Variants in PDE10A observed in about 807,000 individuals in gnomAD.
PDE10A encodes the protein cAMP and cAMP-inhibited cGMP 3',5'-cyclic phosphodiesterase 10A.
Under a neutral mutation model 97.7 loss-of-function variants are expected in PDE10A, and 39 were observed. That is an observed-to-expected ratio of 0.40 (90% CI 0.31 to 0.52). The LOEUF (loss-of-function observed/expected upper bound fraction) is 0.52. Ranked by LOEUF, PDE10A falls within the 20% of genes least tolerant of loss-of-function variation. PDE10A has a pLI of 0.56. For synonymous variants in PDE10A, 371 were observed against 376.8 expected, an observed-to-expected ratio of 0.98 and a Z score of 0.18; for missense variants, 731 against 1,047.8, an observed-to-expected ratio of 0.70 and a Z score of 4.17.
Position 165,951,532 on chromosome 6 carries a change from G to T in PDE10A, c.-615+35997C>A, listed in dbSNP as rs145594805. On this transcript the variant is annotated intron_variant, in intron 1 of 19. Transcript: ENST00000366882. ...CCTCCCACTGGTCCTGAAGCAGAGCGACATCCAGCTTCTTCTGCACCACTC... is the reference window on the plus strand; with the variant it reads ...CCTCCCACTGGTCCTGAAGCAGAGCTACATCCAGCTTCTTCTGCACCACTC... Among the ~76,000 whole-genome samples the T allele has an allele frequency of 8.2e-4, 125 of 152,150 alleles. 1 individual carries two copies. The highest frequency in any genetic ancestry group is 2.9e-3 in the African/African-American group (121 of 41,524).
chr6:165,812,002 G>A (rs1166996677), intron 1 of PDE10A, among the ~76,000 whole-genome samples: 4 of 152,024 alleles, frequency 2.6e-5, no homozygotes, highest in African/African-American at 7.2e-5. Flanking sequence ...ACAGGCACAC[G>A]CCACCATGCC....
At position 165,670,987 on chromosome 6, in the gene PDE10A, T is replaced by C. The variant is rs760121534; in HGVS notation, c.-614-127419A>G. Reference sequence around the variant, plus strand: ...ATCACATTTCATTGCCTTCTAATTTTTGGAGTCTAACAAATGGCACTTTAT... The same window carrying C: ...ATCACATTTCATTGCCTTCTAATTTCTGGAGTCTAACAAATGGCACTTTAT... On this transcript the variant is annotated intron_variant, in intron 1 of 19. Coordinates refer to the PDE10A transcript ENST00000366882. Among the ~76,000 whole-genome samples the C allele has an allele frequency of 4.0e-4, 61 of 152,198 alleles. 1 individual carries two copies. The highest frequency in any genetic ancestry group is 2.9e-5 in the Non-Finnish European group (2 of 68,026).
At chr6:165,829,136 T>G (rs980850515) in intron 1 of PDE10A, among the ~76,000 whole-genome samples, 18 of 152,172 alleles carry the variant, frequency 1.2e-4, no homozygotes, top group African/African-American at 3.9e-4. Context: ...GCTGCTGGGG[T>G]GCTCCCAGTG....
At chr6:165,656,252 TCTCTCTCACA>T (rs1190122815) in intron 1 of PDE10A, among the ~76,000 whole-genome samples, 2 of 104,346 alleles carry the variant, frequency 1.9e-5, no homozygotes, top group South Asian at 3.4e-4. Context: ...TCTCTCTCTC[TCTCTCTCACA>T]CACACACACA....
In PDE10A at chr6:165,661,694, C is replaced by G; in HGVS notation, c.865+253G>C. ...CTCGCAACGTCCAAGCTCCCGCCGC[C>G]CTCCCGAGCCGCCCTTCCCCCGAGC... On this transcript the variant is annotated intron_variant, in intron 1 of 21. Transcript: ENST00000539869. This position sits in a 1 kb window ranked among gnomAD's most constrained non-coding sequence, Gnocchi z 4.8. 1 of 437,086 alleles carries G rather than the reference C, an allele frequency of 2.3e-6. No individual in the cohort carries two copies. The highest frequency in any genetic ancestry group is 3.9e-5 in the East Asian group (1 of 25,526). 27.1% of individuals were successfully genotyped at this position (437,086 alleles called of 1,614,324 possible).
chr6:165,977,852 CA>C (rs1349310166), intron 1 of PDE10A, among the ~76,000 whole-genome samples: 2 of 152,006 alleles, frequency 1.3e-5, no homozygotes, highest in Non-Finnish European at 2.9e-5. Context: ...AAATGTCCAC[CA>C]ATAGTAGAAA....
chr6:165,441,521 A>G lies in PDE10A; in HGVS notation c.1195-6144T>C, dbSNP rs78630967. On this transcript the variant is annotated intron_variant, in intron 5 of 21. Transcript: ENST00000539869. ...GAAAGTTTAAGAATCTTGTCAAGTC[A>G]CACAATTATTAATTACACAATTACT... Among the ~76,000 whole-genome samples the G allele has an allele frequency of 8.9e-3, 1,363 of 152,366 alleles. 20 individuals are homozygous for G. Among genetic ancestry groups the G allele is most frequent in the African/African-American group, 0.031 (1,308 of 41,588 alleles).
intron 2 of PDE10A, among the ~76,000 whole-genome samples, chr6:165,486,717 G>GA (rs1018828166): frequency 7.2e-5 from 11 of 152,206 alleles, no homozygotes; most frequent in Non-Finnish European, 1.2e-4. Context: ...ATGTCTTTTA[G>GA]AAAAAAAGTC....
chr6:165,936,856 G>T (rs1428619546), intron 1 of PDE10A, among the ~76,000 whole-genome samples: 1 of 152,310 alleles, frequency 6.6e-6, no homozygotes, highest in Non-Finnish European at 1.5e-5. Flanking sequence ...ACTCTTCTAA[G>T]ATCATCTCCC....
intron 11 of PDE10A, among the ~76,000 whole-genome samples, chr6:165,417,281 C>A (rs926632069): frequency 1.3e-5 from 2 of 152,098 alleles, no homozygotes; most frequent in African/African-American, 4.8e-5. Flanking sequence ...AATTAGATTG[C>A]CATGAGCAAA....
rs193057664 is a variant in PDE10A, at chr6:165,347,411, T to C, written c.2784-3909A>G. ...TATACTTTAAATTTAAGTTCTAAAA[T>C]CTTAATAAAACCCTAAATGTTACTT... is the stretch of plus-strand genomic sequence containing the variant. On this transcript the variant is annotated intron_variant, in intron 18 of 21. Transcript: ENST00000539869. Among the ~76,000 whole-genome samples the C allele has an allele frequency of 3.0e-3, 458 of 152,284 alleles. 1 individual carries two copies. The highest frequency in any genetic ancestry group is 0.01 in the African/African-American group (434 of 41,572).
chr6:165,915,137 A>T (rs1229811627), intron 1 of PDE10A, among the ~76,000 whole-genome samples: 1 of 152,134 alleles, frequency 6.6e-6, no homozygotes, highest in East Asian at 1.9e-4. Flanking sequence ...GTTCAAAACC[A>T]ATTTTCTTTC....
intron 1 of PDE10A, among the ~76,000 whole-genome samples, chr6:165,636,846 T>A (rs1353214315): frequency 1.3e-5 from 2 of 152,078 alleles, no homozygotes; most frequent in Admixed American, 1.3e-4. Context: ...ACCCCTCACC[T>A]CGGAAGGGCA....
intron 2 of PDE10A, among the ~76,000 whole-genome samples, chr6:165,523,421 C>T (rs10946077): frequency 0.093 from 14,083 of 152,014 alleles, 939 homozygotes; most frequent in Admixed American, 0.19. Flanking sequence ...CAAAAACAGA[C>T]ACATAGAGCA....
chr6:165,472,432 A>G (rs1405692617), intron 3 of PDE10A, among the ~76,000 whole-genome samples: 1 of 152,062 alleles, frequency 6.6e-6, no homozygotes, highest in East Asian at 1.9e-4. Flanking sequence ...TATCTTTTGT[A>G]TTATTAATCA....
chr6:165,533,792 TTTTAA>T (rs1283256049), intron 2 of PDE10A, among the ~76,000 whole-genome samples: 4 of 152,276 alleles, frequency 2.6e-5, no homozygotes, highest in African/African-American at 7.2e-5. Flanking sequence ...TTTCATAGGG[TTTTAA>T]TTTGTTTTTA....
intron 1 of PDE10A, among the ~76,000 whole-genome samples, chr6:165,632,830 T>C (rs566631479): frequency 6.6e-6 from 1 of 152,272 alleles, no homozygotes; most frequent in East Asian, 1.9e-4. Flanking sequence ...ACAGGACATT[T>C]CCTACTGACA....
At chr6:165,427,626 T>A (rs1377226933) in intron 10 of PDE10A, among the ~76,000 whole-genome samples, 12 of 152,038 alleles carry the variant, frequency 7.9e-5, no homozygotes, top group African/African-American at 2.7e-4. Flanking sequence ...ACACTTTAAA[T>A]GGATGAACTG....
chr6:165,741,932 T>A (rs986056794), intron 1 of PDE10A, among the ~76,000 whole-genome samples: 4 of 152,184 alleles, frequency 2.6e-5, no homozygotes, highest in Non-Finnish European at 5.9e-5. Context: ...AAAGATGACA[T>A]ATTGAGACAG....
Sources: allele counts gnomAD v4.1 joint callset (sites outside exome capture counted in the v4.1 genomes callset), GRCh38; gene constraint gnomAD v4.1.1; non-coding constraint Gnocchi (gnomAD v3.1); transcripts MANE v1.5; gene names NCBI Gene and HGNC (gene_info 2026-07-23, HGNC 2026-07-21).